The following CTBS variants were observed in gnomAD, a reference collection of about 807,000 sequenced individuals.
The protein encoded by CTBS is di-N-acetylchitobiase.
In CTBS, 35 loss-of-function variants were observed where a neutral mutation model predicts 44.3. The ratio of observed to expected loss-of-function variants is 0.79; its 90% CI spans 0.60 to 1.05. CTBS has a LOEUF of 1.05. Ranked by LOEUF, CTBS falls within the 50% of genes least tolerant of loss-of-function variation. CTBS has a pLI of 0.00. For synonymous variants in CTBS, 143 were observed against 168.0 expected (o/e 0.85, Z 1.15); for missense variants, 458 against 475.3 (o/e 0.96, Z 0.34).
At position 84,570,116 on chromosome 1, in the gene CTBS, T is replaced by G. The variant is rs1454577211; in HGVS notation, c.340A>C (p.Ile114Leu). Residue 114 changes from isoleucine (I) to leucine (L), a missense_variant, in exon 3 of 7, where the codon ATT becomes CTT. By Grantham distance (5) the Ile-to-Leu change is conservative. Coordinates refer to ENST00000370630, the MANE Select transcript of CTBS (RefSeq NM_004388.3). ...LKGDVSLKDI[I>L]DPAFRASWIA... ...CAGGATGCTCTGAAAGCAGGATCAA[T>G]GATATCCTTTAAGGATACATCTCCT... The G allele has an allele frequency of 6.2e-7, 1 of 1,613,124 alleles. No homozygotes were observed. The highest frequency in any genetic ancestry group is 8.5e-7 in the Non-Finnish European group (1 of 1,179,628).
At chr1:84,563,647 C>G (rs1046825373) in intron 5 of CTBS, 88 bp downstream of exon 5, 2 of 819,266 alleles carry the variant, frequency 2.4e-6, no homozygotes, top group Admixed American at 2.9e-5. Context: ...TTCAGAGATT[C>G]TAAAGTTTAT....
rs1464287832 is a variant in CTBS at position 84,565,865 on chromosome 1, C to A, written c.673G>T (p.Ala225Ser). ...CCAGTTAATGTCTGATTATAGGGAG[C>A]ATTGGCTGCTGCAATACATTCTGAC... The part of the protein sequence containing the change: ...IWSECIAAAN[A>S]PYNQTLTGYN... The change falls in exon 4 of 7, where the codon GCT (alanine) becomes TCT (serine). Residue 225 changes from alanine (A) to serine (S), a missense_variant. Coordinates refer to ENST00000370630, the MANE Select transcript of CTBS (RefSeq NM_004388.3). The A allele has an allele frequency of 1.3e-6, 2 of 1,566,490 alleles. No individual in the cohort carries two copies. Among genetic ancestry groups the A allele is most frequent in the Non-Finnish European group, 1.7e-6 (2 of 1,159,306 alleles).
At position 84,550,327 on chromosome 1, in the gene CTBS, A is replaced by G. The variant is rs554556026; in HGVS notation, c.*4672T>C. ...CTTTACGGAATAGGTTATTTTCATG[A>G]TTTACTCTTTTGATCTTTATCATTT... On this transcript the variant is annotated 3_prime_UTR_variant, in exon 7 of 7. Coordinates refer to ENST00000370630, the MANE Select transcript of CTBS (RefSeq NM_004388.3). 2.2e-5 allele frequency: 11 copies of G among 508,802 alleles called. No individual in the cohort carries two copies. The Admixed American group carries it at 4.8e-4, about 22-fold the overall frequency. 31.5% of individuals were successfully genotyped at this position (508,802 alleles called of 1,614,324 possible). A position where few individuals can be genotyped will look rare whatever the true frequency, so the allele number is the denominator to read the frequency against.
intron 6 of CTBS, among the ~76,000 whole-genome samples, chr1:84,562,294 T>C (rs955137857): frequency 1.3e-5 from 2 of 152,224 alleles, no homozygotes; most frequent in African/African-American, 4.8e-5. Flanking sequence ...GACAGACTAA[T>C]ATAAACACTG....
chr1:84,569,185 C>T (rs1347809502), intron 3 of CTBS, among the ~76,000 whole-genome samples: 1 of 152,196 alleles, frequency 6.6e-6, no homozygotes, highest in Non-Finnish European at 1.5e-5. Context: ...TAGCCTATTA[C>T]TTCTTAACTA....
chr1:84,571,609 A>G (rs1647302586), intron 1 of CTBS, among the ~76,000 whole-genome samples: 2 of 152,194 alleles, frequency 1.3e-5, no homozygotes, highest in Admixed American at 6.5e-5. Context: ...TGATTTGGCA[A>G]ATATTTATTG....
Position 84,552,109 on chromosome 1 carries a change from C to T in CTBS, c.*2890G>A, listed in dbSNP as rs553887357. The T allele has an allele frequency of 6.6e-6, 1 of 152,058 alleles. No homozygotes were observed. The highest frequency in any genetic ancestry group is 1.9e-4 in the East Asian group (1 of 5,192). 9.4% of individuals were successfully genotyped at this position (152,058 alleles called of 1,614,324 possible). ...ACCATAGTGCCTGATTGACACATAA[C>T]AGACATTATTTAAGAAGTTTTATTG... On this transcript the variant is annotated 3_prime_UTR_variant, in exon 7 of 7. Coordinates refer to ENST00000370630, the MANE Select transcript of CTBS (RefSeq NM_004388.3).
rs962383577 is a variant in CTBS, at chr1:84,552,662, G to T, written c.*2337C>A. ...CGTTCCTAAGGGCTAGGAATTAAGGGTTTTTTTTGTATTTTGTTTTCTTGT... is the reference window on the plus strand; with the variant it reads ...CGTTCCTAAGGGCTAGGAATTAAGGTTTTTTTTTGTATTTTGTTTTCTTGT... On this transcript the variant is annotated 3_prime_UTR_variant, in exon 7 of 7. Coordinates refer to ENST00000370630, the MANE Select transcript of CTBS (RefSeq NM_004388.3). The T allele has an allele frequency of 1.0e-4, 17 of 163,016 alleles. No homozygotes were observed. The highest frequency in any genetic ancestry group is 3.2e-4 in the Admixed American group (5 of 15,588). 10.1% of individuals were successfully genotyped at this position (163,016 alleles called of 1,614,324 possible).
intron 4 of CTBS, among the ~76,000 whole-genome samples, chr1:84,565,467 C>CA (rs1178652113): frequency 1.3e-5 from 2 of 152,110 alleles, no homozygotes; most frequent in Admixed American, 1.3e-4. Context: ...GTTATTTCAA[C>CA]AAAAATATCC....
intron 1 of CTBS, chr1:84,573,984 A>C: frequency 7.3e-7 from 1 of 1,364,804 alleles, no homozygotes; most frequent in Middle Eastern, 2.7e-4. Context: ...AGCTTGCCTT[A>C]GGAGGCAGAT....
chr1:84,568,411 T>C (rs1392511249), intron 3 of CTBS, among the ~76,000 whole-genome samples: 1 of 152,208 alleles, frequency 6.6e-6, no homozygotes, highest in African/African-American at 2.4e-5. Context: ...TCCTGACAAG[T>C]TGAATTCCAT....
intron 1 of CTBS, among the ~76,000 whole-genome samples, chr1:84,572,099 T>C (rs1647321717): frequency 6.6e-6 from 1 of 152,138 alleles, no homozygotes. Context: ...GGGAATCAAT[T>C]AGAGTTTTAA....
At position 84,574,315 on chromosome 1, in the gene CTBS, C is replaced by CGCAGCGCCA. The variant is rs3217269; in HGVS notation, c.92_100dup (p.Leu31_Leu33dup). Reference sequence around the variant, plus strand: ...TGGGCAGTCGGTCCCGGCCGCGAGCCGCAGCGCCAGCAGCGCCAGCAGCGC... The same window carrying CGCAGCGCCA: ...TGGGCAGTCGGTCCCGGCCGCGAGCCGCAGCGCCAGCAGCGCCAGCAGCGCCAGCAGCGC... On this transcript the variant is annotated inframe_insertion, in exon 1 of 7. Transcript: ENST00000370630. 3.7e-3 allele frequency: 5,760 copies of CGCAGCGCCA among 1,569,406 alleles called. 93 individuals are homozygous for CGCAGCGCCA. The African/African-American group carries it at 0.04, about 11-fold the overall frequency.
chr1:84,564,860 C>T lies in CTBS; in HGVS notation c.697+981G>A, dbSNP rs564825160. Among the ~76,000 whole-genome samples, 539 of 151,802 alleles carry T rather than the reference C, an allele frequency of 3.6e-3. 4 individuals carry two copies. Among genetic ancestry groups the T allele is most frequent in the Middle Eastern group, 0.017 (5 of 294 alleles). On this transcript the variant is annotated intron_variant, in intron 4 of 6. Coordinates refer to ENST00000370630, the MANE Select transcript of CTBS (RefSeq NM_004388.3). The stretch of plus-strand genomic sequence containing the variant: ...CAGCCTGGGCAACATAGTATGACTC[C>T]ATCTCCTTAAAAAAAAAATCTTTTT...
Position 84,553,255 on chromosome 1 carries a change from GGTATT to G in CTBS, c.*1739_*1743del. On this transcript the variant is annotated 3_prime_UTR_variant, in exon 7 of 7. Coordinates refer to ENST00000370630, the MANE Select transcript of CTBS (RefSeq NM_004388.3). Reference sequence around the variant, plus strand: ...TTTCTCTTTCTCCACTTTCCATGTGGGTATTACAAAATGTTTCAGGAAATATTAGA... The same window carrying G: ...TTTCTCTTTCTCCACTTTCCATGTGGACAAAATGTTTCAGGAAATATTAGA... 1.9e-6 allele frequency: 1 copy of G among 525,506 alleles called. No individual in the cohort carries two copies. The highest frequency in any genetic ancestry group is 3.3e-6 in the Non-Finnish European group (1 of 301,752). The allele number at this position is 525,506 out of a possible 1,614,324, so 32.6% of individuals were successfully genotyped here.
rs752268798 is a variant in CTBS at position 84,553,115 on chromosome 1, T to C, written c.*1884A>G. 3.3e-5 allele frequency: 49 copies of C among 1,492,792 alleles called. 2 individuals carry two copies. In the South Asian group the frequency reaches 5.6e-4, roughly 17 times the overall value. 92.5% of individuals were successfully genotyped at this position (1,492,792 alleles called of 1,614,324 possible). On this transcript the variant is annotated 3_prime_UTR_variant, in exon 7 of 7. Transcript: ENST00000370630. The stretch of plus-strand genomic sequence containing the variant: ...AAAAAAAAATAATACATCTCTACAA[T>C]CTCAATTAGGTATGTTAATTTAAAA...
At chr1:84,572,731 T>A (rs1177534606) in intron 1 of CTBS, among the ~76,000 whole-genome samples, 2 of 151,530 alleles carry the variant, frequency 1.3e-5, no homozygotes, top group Non-Finnish European at 2.9e-5. Context: ...AGTGGCGTGA[T>A]CTTGGCTAAC....
chr1:84,565,856 T>C lies in CTBS; in HGVS notation c.682A>G (p.Asn228Asp). The change falls in exon 4 of 7, where the codon AAT becomes GAT. Residue 228 changes from asparagine to aspartate, a missense_variant. By Grantham distance (23) the Asn-to-Asp change is conservative (BLOSUM62 1). Coordinates refer to ENST00000370630, the MANE Select transcript of CTBS (RefSeq NM_004388.3). ...ECIAAANAPY[N>D]QTLTGYNDYI... Reference sequence around the variant, plus strand: ...AGAGTCTTACCAGTTAATGTCTGATTATAGGGAGCATTGGCTGCTGCAATA... The same window carrying C: ...AGAGTCTTACCAGTTAATGTCTGATCATAGGGAGCATTGGCTGCTGCAATA... The C allele has an allele frequency of 6.4e-7, 1 of 1,555,256 alleles. No individual in the cohort carries two copies. The highest frequency in any genetic ancestry group is 8.7e-7 in the Non-Finnish European group (1 of 1,154,014).
rs372939098 is a variant in CTBS at position 84,563,344 on chromosome 1, G to A, written c.870C>T (p.Pro290=). The change falls in exon 6 of 7, where the codon CCC becomes CCT. Residue 290 remains proline (P), a synonymous_variant. Coordinates refer to ENST00000370630, the MANE Select transcript of CTBS (RefSeq NM_004388.3). The part of the protein sequence containing the change: ...PCSDAAGRQV[P]YKTIMKQINS... ...TTATTTGCTTCATGATCGTTTTGTA[G>A]GGCACCTGACGTCCTGCAGCGTCAC... 1.9e-5 allele frequency: 31 copies of A among 1,598,678 alleles called. 2 individuals are homozygous for A. The highest frequency in any genetic ancestry group is 1.1e-5 in the South Asian group (1 of 89,154).
Sources: gnomAD v4.1 joint callset for allele counts (sites outside exome capture counted in the v4.1 genomes callset) on GRCh38, gnomAD v4.1.1 for gene constraint, MANE v1.5 for transcripts, NCBI Gene and HGNC (gene_info 2026-07-23, HGNC 2026-07-21) for gene names.